The following MYO16 variants were observed in gnomAD, a reference collection of about 807,000 sequenced individuals.
MYO16 encodes myosin XVI, also known as unconventional myosin-XVI.
Under a neutral mutation model 205.3 loss-of-function variants are expected in MYO16, and 94 were observed. That is an observed-to-expected ratio of 0.46 (90% CI 0.39 to 0.54). The LOEUF is 0.54. Among genes scored for constraint, MYO16 ranks in the 20% least tolerant of loss-of-function variants. The pLI, the probability that MYO16 is intolerant of heterozygous loss-of-function variation, is 0.00. For synonymous variants in MYO16, 988 were observed against 954.0 expected, an observed-to-expected ratio of 1.04 and a Z score of -0.66; for missense variants, 2,315 against 2,387.5, an observed-to-expected ratio of 0.97 and a Z score of 0.63.
At chr13:108,747,974 C>A (rs991023595) in intron 4 of MYO16, among the ~76,000 whole-genome samples, 10 of 152,088 alleles carry the variant, frequency 6.6e-5, no homozygotes, top group Non-Finnish European at 1.5e-4. Flanking sequence ...AGTAAATGTC[C>A]ACTTTCATGA....
chr13:108,613,945 A>C (rs1879261127), intron 1 of MYO16, among the ~76,000 whole-genome samples: 1 of 152,124 alleles, frequency 6.6e-6, no homozygotes. Context: ...TGCTCTCAAC[A>C]CTTCAATTCC....
At chr13:108,563,302 C>A in the MYO16 span, among the ~76,000 whole-genome samples, 1 of 152,146 alleles carries the variant, frequency 6.6e-6, no homozygotes, top group Non-Finnish European at 1.5e-5. Context: ...TCTCCATCCC[C>A]TCAAGCACTT....
In MYO16 at chr13:108,860,051, G is replaced by A. The variant is rs196155; in HGVS notation, c.1359+4498G>A. ...TTTATTTTAGGTTTGGGTTGTAAAG[G>A]TTTGTTATACAGGTAAACACGTGTC... On this transcript the variant is annotated intron_variant, in intron 11 of 34. Coordinates refer to ENST00000457511, the MANE Select transcript of MYO16 (RefSeq NM_001198950.3). Among the ~76,000 whole-genome samples the A allele has an allele frequency of 7.0e-3, 1,068 of 151,912 alleles. 8 individuals carry two copies. Among genetic ancestry groups the A allele is most frequent in the African/African-American group, 0.025 (1,022 of 41,416 alleles).
At chr13:108,809,972 C>T (rs373340312) in intron 7 of MYO16, among the ~76,000 whole-genome samples, 8 of 152,060 alleles carry the variant, frequency 5.3e-5, no homozygotes, top group Admixed American at 6.5e-5. Context: ...CAGATTTTTG[C>T]GAATCATGAA....
At chr13:108,581,788 G>A in the MYO16 span, among the ~76,000 whole-genome samples, 1 of 151,670 alleles carries the variant, frequency 6.6e-6, no homozygotes, top group African/African-American at 2.4e-5. Context: ...GGGAGACTGA[G>A]GCAGGAGAAT....
At chr13:108,752,366 A>G (rs1885263169) in intron 4 of MYO16, among the ~76,000 whole-genome samples, 1 of 152,162 alleles carries the variant, frequency 6.6e-6, no homozygotes, top group Non-Finnish European at 1.5e-5. Flanking sequence ...ACAAGCCATT[A>G]CATATGTTTA....
chr13:108,818,096 A>G (rs2139009640), intron 7 of MYO16, among the ~76,000 whole-genome samples: 2 of 152,280 alleles, frequency 1.3e-5, no homozygotes, highest in East Asian at 3.9e-4. Context: ...AGACGTTAGT[A>G]AAACAGGCCA....
Position 109,141,875 on chromosome 13 carries a change from T to C in MYO16, c.5164+499T>C, listed in dbSNP as rs572665921. Among the ~76,000 whole-genome samples the C allele has an allele frequency of 2.0e-5, 3 of 152,308 alleles. No homozygotes were observed. Among genetic ancestry groups the C allele is most frequent in the South Asian group, 4.1e-4 (2 of 4,828 alleles). On this transcript the variant is annotated intron_variant, in intron 32 of 34. Transcript: ENST00000457511. This position sits in a 1 kb window ranked among gnomAD's most constrained non-coding sequence, Gnocchi z 4.1. Reference sequence around the variant, plus strand: ...TAGCCAGTTACTACCCTGCGCTTAATGCCACTCGGCTGTGGGCTGTTTGGG... The same window carrying C: ...TAGCCAGTTACTACCCTGCGCTTAACGCCACTCGGCTGTGGGCTGTTTGGG...
intron 10 of MYO16, among the ~76,000 whole-genome samples, chr13:108,844,947 G>A (rs775886934): frequency 5.0e-4 from 75 of 151,362 alleles, no homozygotes; most frequent in Middle Eastern, 6.8e-3. Context: ...TATGTTGCGT[G>A]TGTGTGTGTG....
At chr13:108,574,989 G>A in the MYO16 span, among the ~76,000 whole-genome samples, 562 of 152,190 alleles carry the variant, frequency 3.7e-3, 2 homozygotes, top group Non-Finnish European at 5.9e-3. Context: ...ACATACTCCA[G>A]TGTGACTAGT....
rs117769385 is a variant in MYO16, at chr13:108,966,725, C to T, written c.2369+1823C>T. On this transcript the variant is annotated intron_variant, in intron 20 of 34. Transcript: ENST00000457511. ...CCCATATTTTCTTCTCTATTTCTCC[C>T]ATGAGTCACCCAAACCTGAATTTAA... 9.9e-5 allele frequency among the ~76,000 whole-genome samples: 15 copies of T among 152,238 alleles called. No individual in the cohort carries two copies. The East Asian group carries it at 2.9e-3, about 29-fold the overall frequency.
chr13:108,497,922 T>C, the MYO16 span, among the ~76,000 whole-genome samples: 2 of 152,176 alleles, frequency 1.3e-5, no homozygotes, highest in Non-Finnish European at 2.9e-5. Flanking sequence ...AATAGAAATA[T>C]TGCCTTCTCC....
intron 1 of MYO16, among the ~76,000 whole-genome samples, chr13:108,611,216 C>T (rs1879161524): frequency 6.6e-6 from 1 of 152,024 alleles, no homozygotes; most frequent in Non-Finnish European, 1.5e-5. Flanking sequence ...TAAGATCTTA[C>T]AGCCTTTTAG....
intron 16 of MYO16, among the ~76,000 whole-genome samples, chr13:108,956,325 C>G (rs1214399927): frequency 6.6e-6 from 1 of 152,088 alleles, no homozygotes; most frequent in East Asian, 1.9e-4. Flanking sequence ...CTCCCTTCCC[C>G]TCTCCCCATC....
At chr13:108,678,392 A>G (rs1882321367) in intron 2 of MYO16, among the ~76,000 whole-genome samples, 1 of 152,194 alleles carries the variant, frequency 6.6e-6, no homozygotes, top group Non-Finnish European at 1.5e-5. Flanking sequence ...AATGTTTCCC[A>G]AAGTAGAAAG....
At chr13:108,995,926 G>T (rs1186511687) in intron 21 of MYO16, among the ~76,000 whole-genome samples, 1 of 152,166 alleles carries the variant, frequency 6.6e-6, no homozygotes, top group Non-Finnish European at 1.5e-5. Context: ...TAAAAATCAG[G>T]AAGCAACAGG....
chr13:108,926,240 G>A (rs768540756), intron 16 of MYO16, among the ~76,000 whole-genome samples: 13 of 152,270 alleles, frequency 8.5e-5, no homozygotes, highest in South Asian at 2.1e-4. Context: ...CTGCAGAGGC[G>A]ACCAATACCA....
rs540530853 is a variant in MYO16, at chr13:108,810,206, T to C, written c.867+3402T>C. Reference sequence around the variant, plus strand: ...TGATACATTTTAGTACTGAGGAAAGTGTCTGAAGATCGTATGTCTTTACTA... The same window carrying C: ...TGATACATTTTAGTACTGAGGAAAGCGTCTGAAGATCGTATGTCTTTACTA... On this transcript the variant is annotated intron_variant, in intron 7 of 34. Transcript: ENST00000457511. Among the ~76,000 whole-genome samples, 13 of 152,346 alleles carry C rather than the reference T, an allele frequency of 8.5e-5. No individual in the cohort carries two copies. In the South Asian group the frequency reaches 2.7e-3, roughly 32 times the overall value.
chr13:109,022,282 TACAAA>T (rs1886064520), intron 23 of MYO16, among the ~76,000 whole-genome samples: 2 of 131,412 alleles, frequency 1.5e-5, no homozygotes, highest in South Asian at 2.2e-4. Context: ...TATTTATATA[TACAAA>T]TATAATATAC....
Sources: gnomAD v4.1 joint callset for allele counts (sites outside exome capture counted in the v4.1 genomes callset) on GRCh38, gnomAD v4.1.1 for gene constraint, Gnocchi (gnomAD v3.1) non-coding constraint, MANE v1.5 for transcripts, NCBI Gene and HGNC (gene_info 2026-07-23, HGNC 2026-07-21) for gene names.